The following TNFRSF8 variants were observed in gnomAD, a reference collection of about 807,000 sequenced individuals.
The protein encoded by TNFRSF8 is TNF receptor superfamily member 8.
A neutral mutation model predicts 70.8 loss-of-function variants in TNFRSF8; 26 were observed. That is an observed-to-expected ratio of 0.37 (90% CI 0.27 to 0.51). The LOEUF is 0.51. Among genes scored for constraint, TNFRSF8 ranks in the 20% least tolerant of loss-of-function variants. The pLI is 0.94. For missense variants in TNFRSF8, 720 were observed against 807.9 expected (o/e 0.89, Z 1.32); for synonymous variants, 356 against 339.2 (o/e 1.05, Z -0.54).
At chr1:12,122,811 T>C (rs1641856182) in intron 8 of TNFRSF8, among the ~76,000 whole-genome samples, 1 of 152,172 alleles carries the variant, frequency 6.6e-6, no homozygotes, top group Admixed American at 6.6e-5. Context: ...CCACAGCTGT[T>C]AGAGACAAGT....
At chr1:12,077,376 CAAAG>C (rs1444047967) in intron 1 of TNFRSF8, among the ~76,000 whole-genome samples, 1 of 152,034 alleles carries the variant, frequency 6.6e-6, no homozygotes, top group African/African-American at 2.4e-5. Context: ...ATGATAGAGG[CAAAG>C]AGAGAGATGT....
chr1:12,131,148 A>G (rs1164635421), intron 12 of TNFRSF8, among the ~76,000 whole-genome samples: 2 of 152,138 alleles, frequency 1.3e-5, no homozygotes, highest in Non-Finnish European at 2.9e-5. Flanking sequence ...AAATAGTTTA[A>G]TTTTTAAAAA....
intron 9 of TNFRSF8, 88 bp from the exon 10 acceptor site, chr1:12,123,627 C>T (rs1001349515): frequency 1.5e-5 from 18 of 1,201,250 alleles, no homozygotes; most frequent in African/African-American, 9.1e-5. Context: ...GCTCTGGTTG[C>T]GCAGTCTCCA....
chr1:12,085,064 T>C (rs1371094448), intron 2 of TNFRSF8, among the ~76,000 whole-genome samples: 2 of 152,202 alleles, frequency 1.3e-5, no homozygotes, highest in African/African-American at 4.8e-5. Flanking sequence ...ACCCTTCATT[T>C]CTGGGGCCCA....
chr1:12,094,711 C>T (rs922373736), intron 2 of TNFRSF8, among the ~76,000 whole-genome samples: 19 of 151,082 alleles, frequency 1.3e-4, no homozygotes, highest in African/African-American at 3.7e-4. Flanking sequence ...CTGCAACCTC[C>T]GCCTACCAGG....
In TNFRSF8 at chr1:12,138,522, G is replaced by A; in HGVS notation, c.1543+86G>A. On this transcript the variant is annotated intron_variant, in intron 14 of 14. Coordinates refer to ENST00000263932, the MANE Select transcript of TNFRSF8 (RefSeq NM_001243.5). The surrounding 1 kb of genome is among the most constrained non-coding windows in gnomAD (Gnocchi z 5.7). ...GGGCCCTGGGCCCTGGAAGGGACCT[G>A]GAGACCCTGGAGTTGAAAGGCCCAG... The A allele has an allele frequency of 7.6e-7, 1 of 1,316,324 alleles. No homozygotes were observed. The highest frequency in any genetic ancestry group is 1.5e-5 in the South Asian group (1 of 66,878). The allele number at this position is 1,316,324 out of a possible 1,614,324, so 81.5% of individuals were successfully genotyped here.
chr1:12,064,572 G>C (rs779422853), intron 1 of TNFRSF8, among the ~76,000 whole-genome samples: 9 of 152,128 alleles, frequency 5.9e-5, no homozygotes, highest in Non-Finnish European at 7.4e-5. Context: ...GGTCACGGTG[G>C]GGGAGAGGGA....
intron 2 of TNFRSF8, among the ~76,000 whole-genome samples, chr1:12,094,058 CAAAA>C (rs778868213): frequency 2.4e-5 from 2 of 84,678 alleles, no homozygotes; most frequent in African/African-American, 4.8e-5. Flanking sequence ...GACTTTGTCT[CAAAA>C]AAAAAAAAAA....
At chr1:12,135,636 C>A (rs761714510) in intron 13 of TNFRSF8, 23 bp downstream of exon 13, 4 of 1,613,668 alleles carry the variant, frequency 2.5e-6, no homozygotes, top group Admixed American at 3.3e-5. Context: ...CCCTTGCCCC[C>A]ACCTCAGCTT....
In TNFRSF8 at chr1:12,063,383, G is replaced by GT. The variant is rs1640680112; in HGVS notation, c.-216_-215insT. 2.5e-6 allele frequency: 1 copy of GT among 396,392 alleles called. No individual in the cohort carries two copies. The highest frequency in any genetic ancestry group is 4.4e-6 in the Non-Finnish European group (1 of 225,984). 24.6% of individuals were successfully genotyped at this position (396,392 alleles called of 1,614,324 possible). A position where few individuals can be genotyped will look rare whatever the true frequency, so the allele number is the denominator to read the frequency against. Reference sequence around the variant, plus strand: ...TGTTCCTGGAACCAATTTGATACGGGAGAACTAAGGCTGAAACCTCGGAGG... The same window carrying GT: ...TGTTCCTGGAACCAATTTGATACGGGTAGAACTAAGGCTGAAACCTCGGAGG... On this transcript the variant is annotated 5_prime_UTR_variant, in exon 1 of 15. Coordinates refer to ENST00000263932, the MANE Select transcript of TNFRSF8 (RefSeq NM_001243.5). The surrounding 1 kb of genome is among the most constrained non-coding windows in gnomAD (Gnocchi z 7.2).
At chr1:12,074,290 T>G (rs986497383) in intron 1 of TNFRSF8, among the ~76,000 whole-genome samples, 12 of 151,806 alleles carry the variant, frequency 7.9e-5, no homozygotes, top group African/African-American at 2.4e-4. Context: ...CTTTCTTTTT[T>G]TTTTTTTGAG....
chr1:12,099,088 G>A lies in TNFRSF8; in HGVS notation c.268+1871G>A, dbSNP rs76909719. On this transcript the variant is annotated intron_variant, in intron 3 of 14. Coordinates refer to ENST00000263932, the MANE Select transcript of TNFRSF8 (RefSeq NM_001243.5). ...CAGGTGGATTTTTCAAGAAGGGCTC[G>A]TCTTTGCAATATTCTCTGTTATTTC... 1.6e-3 allele frequency among the ~76,000 whole-genome samples: 246 copies of A among 152,230 alleles called. 2 individuals carry two copies. The highest frequency in any genetic ancestry group is 5.6e-3 in the African/African-American group (232 of 41,544).
chr1:12,134,928 T>C (rs997065925), intron 12 of TNFRSF8, among the ~76,000 whole-genome samples: 1 of 152,136 alleles, frequency 6.6e-6, no homozygotes, highest in Non-Finnish European at 1.5e-5. Flanking sequence ...TGGGCTCTGG[T>C]TGGGCCTGTG....
At chr1:12,135,464 C>A in intron 12 of TNFRSF8, 124 bp from the exon 13 acceptor site, 1 of 1,380,024 alleles carries the variant, frequency 7.2e-7, no homozygotes, top group Non-Finnish European at 1.0e-6. Context: ...AGACTGAGGA[C>A]CTGACCCCTG....
chr1:12,142,799 T>G lies in TNFRSF8; in HGVS notation c.*268T>G. On this transcript the variant is annotated 3_prime_UTR_variant, in exon 15 of 15. Coordinates refer to ENST00000263932, the MANE Select transcript of TNFRSF8 (RefSeq NM_001243.5). This position sits in a 1 kb window ranked among gnomAD's most constrained non-coding sequence, Gnocchi z 5.0. ...GACTGGATCCCAGCAGTGATGTTGG[T>G]TGAGGCAGCAAACAGATGGCAGGAT... 1 of 441,246 alleles carries G rather than the reference T, an allele frequency of 2.3e-6. No homozygotes were observed. Among genetic ancestry groups the G allele is most frequent in the Non-Finnish European group, 4.1e-6 (1 of 246,350 alleles). The allele number at this position is 441,246 out of a possible 1,614,324, so 27.3% of individuals were successfully genotyped here.
rs1047685636 is a variant in TNFRSF8, at chr1:12,142,415, C to T, written c.1672C>T (p.Pro558Ser). The T allele has an allele frequency of 1.9e-6, 3 of 1,612,786 alleles. No homozygotes were observed. The highest frequency in any genetic ancestry group is 2.7e-5 in the African/African-American group (2 of 74,930). Residue 558 changes from proline (P) to serine (S), a missense_variant, in exon 15 of 15, where the codon CCC (proline) becomes TCC (serine). Transcript: ENST00000263932. This position sits in a 1 kb window ranked among gnomAD's most constrained non-coding sequence, Gnocchi z 5.0. ...LEEELEADHT[P>S]HYPEQETEPP... ...GGAGGAGCTGGAGGCGGACCATACC[C>T]CCCACTACCCCGAGCAGGAGACAGA...
Position 12,138,042 on chromosome 1 carries a change from T to A in TNFRSF8, c.1336-187T>A, listed in dbSNP as rs1396694148. ...GCTGACTGTTACCCCTACTATTTAG[T>A]ACAAATTAAAAGCAACAGACTTCAC... On this transcript the variant is annotated intron_variant, in intron 13 of 14. Coordinates refer to ENST00000263932, the MANE Select transcript of TNFRSF8 (RefSeq NM_001243.5). This position sits in a 1 kb window ranked among gnomAD's most constrained non-coding sequence, Gnocchi z 5.7. Among the ~76,000 whole-genome samples the A allele has an allele frequency of 1.3e-5, 2 of 151,564 alleles. No homozygotes were observed. The highest frequency in any genetic ancestry group is 1.3e-4 in the Admixed American group (2 of 15,236).
intron 6 of TNFRSF8, 130 bp from the exon 7 acceptor site, chr1:12,111,768 G>A: frequency 1.3e-6 from 1 of 750,430 alleles, no homozygotes; most frequent in South Asian, 1.5e-5. Context: ...CCCTCTGAAA[G>A]GCTGGACTGA....
At chr1:12,091,622 G>C (rs1157967918) in intron 2 of TNFRSF8, among the ~76,000 whole-genome samples, 2 of 152,202 alleles carry the variant, frequency 1.3e-5, no homozygotes, top group Non-Finnish European at 2.9e-5. Flanking sequence ...ATCTGGCTGG[G>C]TGTGAAGGGT....
Sources: gnomAD v4.1 joint callset for allele counts (sites outside exome capture counted in the v4.1 genomes callset) on GRCh38, gnomAD v4.1.1 for gene constraint, Gnocchi (gnomAD v3.1) non-coding constraint, MANE v1.5 for transcripts, NCBI Gene and HGNC (gene_info 2026-07-23, HGNC 2026-07-21) for gene names.